Variants in PDZD9 observed in about 807,000 individuals in gnomAD.
PDZD9 encodes the protein PDZ domain-containing protein 9.
PDZD9 carries 13 observed loss-of-function variants against 16.3 expected under a neutral mutation model. The observed-to-expected ratio is 0.80, with a 90% CI of 0.52 to 1.27. The LOEUF (loss-of-function observed/expected upper bound fraction) is 1.27. Ranked by LOEUF, PDZD9 falls within the 50% of genes most tolerant of loss-of-function variation. The probability of loss-of-function intolerance (pLI) is 0.00; values close to 1 mark genes in which losing one functional copy is unlikely to be tolerated. For missense variants in PDZD9, 288 were observed against 310.9 expected (o/e 0.93, Z 0.55); for synonymous variants, 120 against 111.0 (o/e 1.08, Z -0.51).
chr16:21,987,116 T>C (rs1012081918), intron 3 of PDZD9, among the ~76,000 whole-genome samples: 2 of 152,086 alleles, frequency 1.3e-5, no homozygotes, highest in African/African-American at 4.8e-5. Flanking sequence ...AGGATCAGAT[T>C]TGCATTACAA....
At chr16:21,969,968 A>G in the PDZD9 span, among the ~76,000 whole-genome samples, 1 of 152,076 alleles carries the variant, frequency 6.6e-6, no homozygotes, top group Non-Finnish European at 1.5e-5. Context: ...TCCTAGGCTC[A>G]GGTGATCCTC....
chr16:21,965,426 A>G, the PDZD9 span: 1 of 1,613,926 alleles, frequency 6.2e-7, no homozygotes, highest in South Asian at 1.1e-5. Context: ...GAAAATTTGC[A>G]TGCAGCAGCT....
At chr16:21,971,581 G>T in the PDZD9 span, 1 of 1,614,110 alleles carries the variant, frequency 6.2e-7, no homozygotes, top group Non-Finnish European at 8.5e-7. Context: ...CATGAGGGGT[G>T]GGCTTGGTTT....
At chr16:21,962,237 A>T in the PDZD9 span, 20 of 555,678 alleles carry the variant, frequency 3.6e-5, no homozygotes, top group Non-Finnish European at 5.1e-5. Context: ...TCTGTGTTGT[A>T]ACATGTGACC....
At chr16:21,962,295 A>T in the PDZD9 span, 5 of 751,536 alleles carry the variant, frequency 6.7e-6, no homozygotes, top group African/African-American at 3.5e-5. Flanking sequence ...TTTTAAAAAA[A>T]TTTTGAATTT....
the PDZD9 span, chr16:21,961,559 T>A: frequency 6.8e-6 from 1 of 147,336 alleles, no homozygotes; most frequent in Non-Finnish European, 1.5e-5. Context: ...CTTGGAAGGG[T>A]ACGAAAAGAT....
the PDZD9 span, among the ~76,000 whole-genome samples, chr16:21,969,060 T>A: frequency 6.6e-6 from 1 of 152,204 alleles, no homozygotes; most frequent in African/African-American, 2.4e-5. Flanking sequence ...GCCAACTATC[T>A]TTGTTTTAAA....
At chr16:21,958,645 T>C in the PDZD9 span, 1 of 1,553,780 alleles carries the variant, frequency 6.4e-7, no homozygotes, top group Non-Finnish European at 8.8e-7. Flanking sequence ...CCAGAAAATA[T>C]TCAATTTTAA....
At chr16:21,983,022 G>A, downstream of PDZD9, 2 of 1,307,600 alleles carry the variant, frequency 1.5e-6, no homozygotes, top group Non-Finnish European at 2.1e-6. Flanking sequence ...GACAAAATAA[G>A]TTCGCCTGCT....
rs202142865 is a variant in PDZD9 at position 22,000,876 on chromosome 16, A to G, written c.31+141T>C. 442 of 545,074 alleles carry G rather than the reference A, an allele frequency of 8.1e-4. 1 individual carries two copies. Among genetic ancestry groups the G allele is most frequent in the South Asian group, 1.4e-3 (59 of 42,678 alleles). The allele number at this position is 545,074 out of a possible 1,614,324, so 33.8% of individuals were successfully genotyped here. ...TGATGATGATGATGATGATGATGAT[A>G]ATGATGATGATGATAACAACAACGA... On this transcript the variant is annotated intron_variant, in intron 1 of 3. Coordinates refer to ENST00000424898, the MANE Select transcript of PDZD9 (RefSeq NM_001363519.1).
chr16:21,957,933 C>T, the PDZD9 span, among the ~76,000 whole-genome samples: 1 of 152,188 alleles, frequency 6.6e-6, no homozygotes, highest in Admixed American at 6.6e-5. Flanking sequence ...GGCCTTCCTT[C>T]TGTCTGTGTC....
At chr16:21,972,435 T>C in the PDZD9 span, among the ~76,000 whole-genome samples, 1 of 152,230 alleles carries the variant, frequency 6.6e-6, no homozygotes, top group Admixed American at 6.5e-5. Context: ...TTCTAACTAG[T>C]CTTTTTTTCT....
At chr16:21,957,714 GT>G in the PDZD9 span, 1 of 1,192,648 alleles carries the variant, frequency 8.4e-7, no homozygotes, top group Non-Finnish European at 1.2e-6. Context: ...AACCAAATAA[GT>G]TTATCCTGTT....
the PDZD9 span, among the ~76,000 whole-genome samples, chr16:21,965,225 G>A: frequency 6.6e-6 from 1 of 152,100 alleles, no homozygotes; most frequent in Non-Finnish European, 1.5e-5. Flanking sequence ...TTTTTTCTCA[G>A]CACATTCTAC....
the PDZD9 span, chr16:21,971,539 G>T: frequency 2.5e-6 from 4 of 1,614,088 alleles, no homozygotes; most frequent in Non-Finnish European, 3.4e-6. Context: ...GAGTCATCCT[G>T]TTCTAAAGCA....
In PDZD9 at chr16:21,984,428, C is replaced by T. The variant is rs1163777434; in HGVS notation, c.634G>A (p.Asp212Asn). 9.9e-6 allele frequency: 16 copies of T among 1,613,964 alleles called. No individual in the cohort carries two copies. Among genetic ancestry groups the T allele is most frequent in the South Asian group, 2.2e-5 (2 of 91,074 alleles). ...GAAGGGGCCCTCACTTCTTTCTTGT[C>T]GTCTCTGTGAATCATCACGTCACAA... ...INCDVMIHRDDKKEVRAPSPY... is the reference protein window; with the variant it reads ...INCDVMIHRDNKKEVRAPSPY... Residue 212 changes from aspartate (D) to asparagine (N), a missense_variant, in exon 4 of 4, where the codon GAC becomes AAC. Asp to Asn is a conservative substitution (Grantham distance 23). Coordinates refer to ENST00000424898, the MANE Select transcript of PDZD9 (RefSeq NM_001363519.1).
chr16:21,984,629 C>A lies in PDZD9; in HGVS notation c.433G>T (p.Glu145Ter). 6.6e-7 allele frequency: 1 copy of A among 1,516,850 alleles called. No individual in the cohort carries two copies. The highest frequency in any genetic ancestry group is 1.4e-5 in the South Asian group (1 of 73,648). The allele number at this position is 1,516,850 out of a possible 1,614,324, so 94.0% of individuals were successfully genotyped here. The change falls in exon 4 of 4, where the codon GAA (glutamate) becomes TAA (stop). Residue 145 changes from glutamate (E) to a stop codon, truncating the protein, a stop_gained. Coordinates refer to ENST00000424898, the MANE Select transcript of PDZD9 (RefSeq NM_001363519.1). LOFTEE classifies it low-confidence loss of function (END_TRUNC). ...TTATCATCACTGCTTGTGAAAGATT[C>A]ATCTTTTGCCAGCTCAATTTTCTTT... Reference protein sequence around the residue: ...TPKKIELAKDESFTSSDDNEN... With the variant: ...TPKKIELAKD
the PDZD9 span, chr16:21,958,670 G>C: frequency 1.5e-6 from 2 of 1,349,764 alleles, no homozygotes; most frequent in African/African-American, 2.9e-5. Context: ...ACTTTTCTCT[G>C]TTATCAAGGA....
chr16:21,965,600 T>A, the PDZD9 span: 1 of 1,071,556 alleles, frequency 9.3e-7, no homozygotes. Flanking sequence ...CCTTTTATCT[T>A]CTAACTTTAA....
Sources: gnomAD v4.1 joint callset for allele counts (sites outside exome capture counted in the v4.1 genomes callset) on GRCh38, gnomAD v4.1.1 for gene constraint, MANE v1.5 for transcripts, NCBI Gene and HGNC (gene_info 2026-07-23, HGNC 2026-07-21) for gene names.